Variants in SH3PXD2B observed in about 807,000 individuals in gnomAD.
SH3PXD2B encodes the protein SH3 and PX domain-containing protein 2B.
SH3PXD2B carries 37 observed loss-of-function variants against 73.1 expected under a neutral mutation model. That is an observed-to-expected ratio of 0.51 (90% CI 0.39 to 0.67). The LOEUF is 0.67. Ranked by LOEUF, SH3PXD2B falls within the 30% of genes least tolerant of loss-of-function variation. SH3PXD2B has a pLI of 0.00. For missense variants in SH3PXD2B, 1,053 were observed against 1,197.8 expected (o/e 0.88, Z 1.78); for synonymous variants, 457 against 480.5 (o/e 0.95, Z 0.64).
intron 6 of SH3PXD2B, among the ~76,000 whole-genome samples, chr5:172,368,504 A>ATATAAAATATATATTTAATATATAT (rs1554136973): frequency 1.3e-4 from 5 of 38,348 alleles, no homozygotes; most frequent in Non-Finnish European, 1.6e-4. Flanking sequence ...TATTATATAT[A>ATATAAAATATATATTTAATATATAT]TATATATAAA....
chr5:172,348,663 C>CT (rs1354080530), intron 10 of SH3PXD2B, among the ~76,000 whole-genome samples: 14 of 28,860 alleles, frequency 4.9e-4, no homozygotes, highest in African/African-American at 1.1e-3. Flanking sequence ...TCCTATCTAT[C>CT]TATCTATCTA....
At position 172,421,619 on chromosome 5, in the gene SH3PXD2B, G is replaced by A. The variant is rs530349864; in HGVS notation, c.156+797C>T. 9.9e-5 allele frequency among the ~76,000 whole-genome samples: 15 copies of A among 152,282 alleles called. No individual in the cohort carries two copies. The South Asian group carries it at 2.9e-3, about 29-fold the overall frequency. On this transcript the variant is annotated intron_variant, in intron 2 of 12. Transcript: ENST00000311601. This position sits in a 1 kb window ranked among gnomAD's most constrained non-coding sequence, Gnocchi z 4.0. ...TCGCTGGCCAGGGAACAAAGGCAAGGTTTCCTAGGGGATGAGAGTCCTGAA... is the reference window on the plus strand; with the variant it reads ...TCGCTGGCCAGGGAACAAAGGCAAGATTTCCTAGGGGATGAGAGTCCTGAA...
intron 3 of SH3PXD2B, among the ~76,000 whole-genome samples, chr5:172,394,942 AAAG>A (rs1160630268): frequency 6.6e-6 from 1 of 152,186 alleles, no homozygotes; most frequent in East Asian, 1.9e-4. Context: ...CCTGATGAAG[AAAG>A]AAGGTTGGAC....
At chr5:172,447,269 T>G (rs1759690652) in intron 1 of SH3PXD2B, among the ~76,000 whole-genome samples, 3 of 152,236 alleles carry the variant, frequency 2.0e-5, no homozygotes, top group Admixed American at 2.0e-4. Flanking sequence ...ATTTTCATCC[T>G]TCGTTTGTAA....
rs1759890289 is a variant in SH3PXD2B, at chr5:172,454,488, G to GCCA, written c.-137_-136insTGG. Reference sequence around the variant, plus strand: ...CAGCCGGGGCCGAGCACGAGCCGCCGCCGCCACCGCCGCCGCCCTTCGCTC... The same window carrying GCCA: ...CAGCCGGGGCCGAGCACGAGCCGCCGCCACCGCCACCGCCGCCGCCCTTCGCTC... On this transcript the variant is annotated 5_prime_UTR_variant, in exon 1 of 13. Transcript: ENST00000311601. 2 of 237,158 alleles carry GCCA rather than the reference G, an allele frequency of 8.4e-6. No homozygotes were observed. Among genetic ancestry groups the GCCA allele is most frequent in the Non-Finnish European group, 1.4e-5 (2 of 145,216 alleles). 14.7% of individuals were successfully genotyped at this position (237,158 alleles called of 1,614,324 possible).
intron 6 of SH3PXD2B, among the ~76,000 whole-genome samples, chr5:172,370,369 GT>G (rs1280923421): frequency 6.6e-6 from 1 of 152,212 alleles, no homozygotes; most frequent in African/African-American, 2.4e-5. Context: ...TGCGCTGGGC[GT>G]TTCTGCACTA....
At chr5:172,381,164 G>A (rs971220763) in intron 5 of SH3PXD2B, among the ~76,000 whole-genome samples, 1 of 152,224 alleles carries the variant, frequency 6.6e-6, no homozygotes, top group Non-Finnish European at 1.5e-5. Flanking sequence ...ACTCAGCCTT[G>A]GTTACGGCTG....
chr5:172,381,985 A>T, intron 5 of SH3PXD2B, 51 bp downstream of exon 5: 1 of 1,454,698 alleles, frequency 6.9e-7, no homozygotes, highest in Non-Finnish European at 9.5e-7. Flanking sequence ...CTGGACTGGC[A>T]GGAGGGAGGG....
rs1187746017 is a variant in SH3PXD2B at position 172,353,521 on chromosome 5, T to C, written c.785+367A>G. On this transcript the variant is annotated intron_variant, in intron 9 of 12. Transcript: ENST00000311601. The surrounding 1 kb of genome is among the most constrained non-coding windows in gnomAD (Gnocchi z 4.3). Reference sequence around the variant, plus strand: ...ACGAATTACAGTCCATGAGTGTTTATGCACCATCTTGTTCTCAGAATGGGG... The same window carrying C: ...ACGAATTACAGTCCATGAGTGTTTACGCACCATCTTGTTCTCAGAATGGGG... Among the ~76,000 whole-genome samples, 1 of 152,212 alleles carries C rather than the reference T, an allele frequency of 6.6e-6. No individual in the cohort carries two copies. The highest frequency in any genetic ancestry group is 2.4e-5 in the African/African-American group (1 of 41,460).
intron 1 of SH3PXD2B, among the ~76,000 whole-genome samples, chr5:172,435,699 T>G (rs946372955): frequency 6.6e-6 from 1 of 152,164 alleles, no homozygotes; most frequent in East Asian, 1.9e-4. Context: ...GCTGGAATTA[T>G]AGGTGCGAGC....
chr5:172,432,595 A>G (rs1326901190), intron 1 of SH3PXD2B, among the ~76,000 whole-genome samples: 3 of 152,186 alleles, frequency 2.0e-5, no homozygotes, highest in Non-Finnish European at 2.9e-5. Context: ...TTTAGCAAGT[A>G]GGCAAATTCG....
At chr5:172,387,621 G>C (rs905810969) in intron 4 of SH3PXD2B, among the ~76,000 whole-genome samples, 1 of 152,164 alleles carries the variant, frequency 6.6e-6, no homozygotes, top group South Asian at 2.1e-4. Context: ...CATCTGCCTT[G>C]AGGAATCATT....
At chr5:172,350,670 G>T in intron 9 of SH3PXD2B, 81 bp from the exon 10 acceptor site, 1 of 1,411,646 alleles carries the variant, frequency 7.1e-7, no homozygotes, top group Non-Finnish European at 9.7e-7. Flanking sequence ...GGAATCACAT[G>T]ACAGGTCCCA....
Position 172,362,845 on chromosome 5 carries a change from G to T in SH3PXD2B, c.452C>A (p.Pro151His). 1 of 1,614,112 alleles carries T rather than the reference G, an allele frequency of 6.2e-7. No individual in the cohort carries two copies. Among genetic ancestry groups the T allele is most frequent in the Non-Finnish European group, 8.5e-7 (1 of 1,180,018 alleles). The change falls in exon 7 of 13, where the codon CCC (proline) becomes CAC (histidine). Residue 151 changes from proline to histidine, a missense_variant. Coordinates refer to ENST00000311601, the MANE Select transcript of SH3PXD2B (RefSeq NM_001017995.3). ...KSGGDQTSVDPMVLEQYVVVA... is the reference protein window; with the variant it reads ...KSGGDQTSVDHMVLEQYVVVA... ...CACCACATACTGCTCCAGGACCATG[G>T]GGTCCACTGAGGTTTGGTCACCCCC...
At chr5:172,444,500 A>G (rs1272563730) in intron 1 of SH3PXD2B, among the ~76,000 whole-genome samples, 1 of 152,254 alleles carries the variant, frequency 6.6e-6, no homozygotes, top group Non-Finnish European at 1.5e-5. Flanking sequence ...AAAAGCCTTG[A>G]GCACATAGTA....
intron 2 of SH3PXD2B, among the ~76,000 whole-genome samples, chr5:172,411,276 C>T (rs973191498): frequency 2.0e-5 from 3 of 151,898 alleles, no homozygotes; most frequent in African/African-American, 7.3e-5. Context: ...CTCCGGGTTC[C>T]TTTGGAGTCC....
intron 6 of SH3PXD2B, among the ~76,000 whole-genome samples, chr5:172,368,493 A>ATTATATATATATAAAATATATATT (rs1757584841): frequency 1.5e-4 from 2 of 13,328 alleles, no homozygotes; most frequent in Non-Finnish European, 1.2e-4. Context: ...AAATATATAT[A>ATTATATATATATAAAATATATATT]TATTATATAT....
chr5:172,329,555 T>TTTTTTTTTTA (rs1554133382), downstream of SH3PXD2B, among the ~76,000 whole-genome samples: 1 of 146,560 alleles, frequency 6.8e-6, no homozygotes, highest in African/African-American at 2.5e-5. Flanking sequence ...TTTTTTTTTT[T>TTTTTTTTTTA]GAGATGGAGT....
rs187434386 is a variant in SH3PXD2B, at chr5:172,427,205, C to T, written c.76-4709G>A. On this transcript the variant is annotated intron_variant, in intron 1 of 12. Coordinates refer to ENST00000311601, the MANE Select transcript of SH3PXD2B (RefSeq NM_001017995.3). ...CGACACATGCTACCCTATGAATGAA[C>T]CTTGAGGATATTAGGCTATGTGAAA... is the stretch of plus-strand genomic sequence containing the variant. Among the ~76,000 whole-genome samples, 4 of 152,250 alleles carry T rather than the reference C, an allele frequency of 2.6e-5. No individual in the cohort carries two copies. The East Asian group carries it at 7.7e-4, about 29-fold the overall frequency.
Sources: allele counts gnomAD v4.1 joint callset (sites outside exome capture counted in the v4.1 genomes callset), GRCh38; gene constraint gnomAD v4.1.1; non-coding constraint Gnocchi (gnomAD v3.1); transcripts MANE v1.5; gene names NCBI Gene and HGNC (gene_info 2026-07-23, HGNC 2026-07-21).